Variants in DOCK4 observed in about 807,000 individuals in gnomAD.
The protein encoded by DOCK4 is dedicator of cytokinesis 4.
A neutral mutation model predicts 268.1 loss-of-function variants in DOCK4; 97 were observed. The observed-to-expected ratio is 0.36, with a 90% CI of 0.31 to 0.43. The LOEUF is 0.43. Ranked by LOEUF, DOCK4 falls within the 20% of genes least tolerant of loss-of-function variation. DOCK4 has a pLI of 1.00. For synonymous variants in DOCK4, 954 were observed against 887.2 expected (o/e 1.08, Z -1.34); for missense variants, 2,145 against 2,455.7 (o/e 0.87, Z 2.67).
At chr7:111,996,373 T>C (rs1799957145) in intron 4 of DOCK4, among the ~76,000 whole-genome samples, 1 of 152,244 alleles carries the variant, frequency 6.6e-6, no homozygotes, top group African/African-American at 2.4e-5. Flanking sequence ...AAATAGTCTG[T>C]CGTAAGTAGT....
chr7:111,871,532 C>G (rs1806429997), intron 20 of DOCK4, among the ~76,000 whole-genome samples: 1 of 152,186 alleles, frequency 6.6e-6, no homozygotes, highest in Non-Finnish European at 1.5e-5. Context: ...AAGTACAGTG[C>G]CTGGCAAGCA....
At chr7:112,100,190 A>C (rs1810548604) in intron 1 of DOCK4, among the ~76,000 whole-genome samples, 1 of 152,218 alleles carries the variant, frequency 6.6e-6, no homozygotes, top group Non-Finnish European at 1.5e-5. Context: ...GATACAGTTG[A>C]GGTATTATTA....
rs752406383 is a variant in DOCK4, at chr7:111,900,422, C to T, written c.1432G>A (p.Asp478Asn). ...SELLKLPIPV[D>N]KFRGAHIRFE... is the part of the protein sequence containing the mutation. ...CGGATGTGTGCACCCCGGAATTTATCCACAGGAATGGGAAGTTTCAGCAGT... is the reference window on the plus strand; with the variant it reads ...CGGATGTGTGCACCCCGGAATTTATTCACAGGAATGGGAAGTTTCAGCAGT... The change falls in exon 15 of 53, where the codon GAT (aspartate) becomes AAT (asparagine). Residue 478 changes from aspartate (D) to asparagine (N), a missense_variant. Transcript: ENST00000428084. The T allele has an allele frequency of 2.5e-6, 4 of 1,613,504 alleles. No individual in the cohort carries two copies.
intron 13 of DOCK4, among the ~76,000 whole-genome samples, chr7:111,909,680 A>G (rs1791924933): frequency 6.6e-6 from 1 of 152,172 alleles, no homozygotes; most frequent in Admixed American, 6.5e-5. Context: ...TTTTTAGGGG[A>G]TGGGCATGGT....
intron 35 of DOCK4, among the ~76,000 whole-genome samples, chr7:111,779,062 A>G (rs1798629639): frequency 6.6e-6 from 1 of 150,498 alleles, no homozygotes; most frequent in Admixed American, 6.6e-5. Flanking sequence ...TAAAAAAATA[A>G]AAATAAAAAT....
chr7:111,745,683 T>TAAAAAAAAA (rs781530065), intron 44 of DOCK4, among the ~76,000 whole-genome samples: 1 of 49,614 alleles, frequency 2.0e-5, no homozygotes, highest in African/African-American at 9.1e-5. Context: ...GACTCCGTCT[T>TAAAAAAAAA]AAAAAAAAAA....
At chr7:111,945,595 T>C in intron 9 of DOCK4, 122 bp downstream of exon 9, 2 of 772,128 alleles carry the variant, frequency 2.6e-6, no homozygotes, top group Middle Eastern at 2.4e-4. Flanking sequence ...GTAATTTGTG[T>C]GTTATTTACA....
chr7:112,018,810 A>T (rs1362565995), intron 1 of DOCK4, among the ~76,000 whole-genome samples: 1 of 152,126 alleles, frequency 6.6e-6, no homozygotes, highest in Non-Finnish European at 1.5e-5. Context: ...AAATGAGATA[A>T]ATTTTCCAAA....
chr7:111,768,080 G>T (rs934516068), intron 37 of DOCK4, among the ~76,000 whole-genome samples: 1 of 152,086 alleles, frequency 6.6e-6, no homozygotes, highest in East Asian at 1.9e-4. Flanking sequence ...ACTAAAATGT[G>T]CATTTCATAT....
intron 22 of DOCK4, among the ~76,000 whole-genome samples, chr7:111,867,452 TA>T (rs111656859): frequency 3.9e-5 from 6 of 152,050 alleles, no homozygotes; most frequent in African/African-American, 1.4e-4. Flanking sequence ...ATCCTGTTCT[TA>T]AAAAAAACAT....
chr7:111,907,757 G>C (rs1452301018), intron 13 of DOCK4, among the ~76,000 whole-genome samples: 1 of 152,106 alleles, frequency 6.6e-6, no homozygotes, highest in South Asian at 2.1e-4. Flanking sequence ...TTGATACAGA[G>C]TCTTACTGTC....
chr7:112,101,869 G>A (rs1343023637), intron 1 of DOCK4, among the ~76,000 whole-genome samples: 2 of 148,354 alleles, frequency 1.3e-5, no homozygotes, highest in African/African-American at 5.0e-5. Flanking sequence ...TGAGACAAGA[G>A]TCTTGCTCTG....
At chr7:111,917,789 A>G (rs1327387228) in intron 12 of DOCK4, among the ~76,000 whole-genome samples, 1 of 152,184 alleles carries the variant, frequency 6.6e-6, no homozygotes. Context: ...CTCTATCTAC[A>G]TTATTACTTA....
intron 1 of DOCK4, among the ~76,000 whole-genome samples, chr7:112,048,389 CAAAAAA>C (rs59810546): frequency 0.062 from 4,452 of 72,128 alleles, 199 homozygotes; most frequent in African/African-American, 0.14. Context: ...ACTAAAAATA[CAAAAAA>C]AAAAAAAAAA....
At position 111,957,139 on chromosome 7, in the gene DOCK4, T is replaced by A. The variant is rs200636805; in HGVS notation, c.702-11341A>T. On this transcript the variant is annotated intron_variant, in intron 8 of 52. Coordinates refer to ENST00000428084, the MANE Select transcript of DOCK4 (RefSeq NM_001363540.2). ...GTATATTATTTTCTGTTGAAGTCTA[T>A]AGTTTATATACTTCTAAAAAGAAAT... 1.1e-3 allele frequency among the ~76,000 whole-genome samples: 160 copies of A among 152,252 alleles called. 3 individuals are homozygous for A. In the East Asian group the frequency reaches 0.029, roughly 28 times the overall value.
intron 30 of DOCK4, among the ~76,000 whole-genome samples, chr7:111,793,111 C>T (rs1799663697): frequency 6.6e-6 from 1 of 152,212 alleles, no homozygotes; most frequent in Non-Finnish European, 1.5e-5. Context: ...CTCAAGTATT[C>T]ACTCTCTATT....
intron 23 of DOCK4, among the ~76,000 whole-genome samples, chr7:111,849,065 C>T (rs1226283665): frequency 1.3e-5 from 2 of 152,212 alleles, no homozygotes; most frequent in African/African-American, 2.4e-5. Flanking sequence ...CCTGGGCTGA[C>T]TCCCATCCTG....
chr7:112,188,790 T>C (rs1819673676), intron 1 of DOCK4, among the ~76,000 whole-genome samples: 1 of 144,404 alleles, frequency 6.9e-6, no homozygotes, highest in South Asian at 2.1e-4. Flanking sequence ...GTAAAGGGTG[T>C]TGTTGTTGTT....
intron 1 of DOCK4, among the ~76,000 whole-genome samples, chr7:112,022,671 G>A (rs1802428221): frequency 6.6e-6 from 1 of 152,224 alleles, no homozygotes; most frequent in Admixed American, 6.5e-5. Context: ...CATGGATGGT[G>A]TTCAGCACAG....
Sources: allele counts gnomAD v4.1 joint callset (sites outside exome capture counted in the v4.1 genomes callset), GRCh38; gene constraint gnomAD v4.1.1; transcripts MANE v1.5; gene names NCBI Gene and HGNC (gene_info 2026-07-23, HGNC 2026-07-21).